Variants in LOXL1 observed in about 807,000 individuals in gnomAD.
LOXL1 encodes lysyl oxidase like 1.
A neutral mutation model predicts 62.2 loss-of-function variants in LOXL1; 31 were observed. That is an observed-to-expected ratio of 0.50 (90% CI 0.37 to 0.67). The LOEUF (loss-of-function observed/expected upper bound fraction) is 0.67. Ranked by LOEUF, LOXL1 falls within the 30% of genes least tolerant of loss-of-function variation. LOXL1 has a pLI of 0.00. For synonymous variants in LOXL1, 403 were observed against 384.4 expected, an observed-to-expected ratio of 1.05 and a Z score of -0.56; for missense variants, 775 against 843.4, an observed-to-expected ratio of 0.92 and a Z score of 1.00.
At chr15:73,927,942 C>T (rs1364664972) in intron 1 of LOXL1, 57 bp downstream of exon 1, 1 of 1,275,208 alleles carries the variant, frequency 7.8e-7, no homozygotes. Flanking sequence ...CTGGAAACTG[C>T]TCCGGGCCCC....
At chr15:73,938,370 C>T (rs1477116294) in intron 1 of LOXL1, among the ~76,000 whole-genome samples, 2 of 151,596 alleles carry the variant, frequency 1.3e-5, no homozygotes, top group African/African-American at 2.4e-5. Flanking sequence ...GGATGCACAT[C>T]GTGGAATCCT....
At chr15:73,950,607 GTGTGACCAGGGTCAGGGCTCAGTC>G (rs2068777722) in intron 6 of LOXL1, among the ~76,000 whole-genome samples, 1 of 152,060 alleles carries the variant, frequency 6.6e-6, no homozygotes. Flanking sequence ...AGGGCCCAGT[GTGTGACCAGGGTCAGGGCTCAGTC>G]TGTGACCAGA....
At chr15:73,946,625 C>G in intron 3 of LOXL1, 71 bp downstream of exon 3, 1 of 1,514,150 alleles carries the variant, frequency 6.6e-7, no homozygotes, top group African/African-American at 1.4e-5. Context: ...TGCCTGAGCT[C>G]CCCTCCCACC....
At position 73,927,062 on chromosome 15, in the gene LOXL1, G is replaced by A. The variant is rs1195668165; in HGVS notation, c.279G>A (p.Arg93=). 1 of 1,312,742 alleles carries A rather than the reference G, an allele frequency of 7.6e-7. No homozygotes were observed. The highest frequency in any genetic ancestry group is 9.7e-7 in the Non-Finnish European group (1 of 1,025,760). The allele number at this position is 1,312,742 out of a possible 1,614,324, so 81.3% of individuals were successfully genotyped here. ...AGCGGCGCAGCCACGGGAGCCCCCG[G>A]CGTCGGCAGGCGCCGTCCCTGCCCC... is the stretch of plus-strand genomic sequence containing the variant. ...AQQRRSHGSP[R]RRQAPSLPLP... is the part of the protein sequence containing the mutation. The change falls in exon 1 of 7, where the codon CGG becomes CGA. Residue 93 remains arginine, a synonymous_variant. Coordinates refer to ENST00000261921, the MANE Select transcript of LOXL1 (RefSeq NM_005576.4).
intron 1 of LOXL1, among the ~76,000 whole-genome samples, chr15:73,937,091 C>G (rs910816185): frequency 2.0e-4 from 30 of 152,212 alleles, no homozygotes; most frequent in African/African-American, 5.8e-4. Flanking sequence ...TGAGAAGGCC[C>G]CAGCTGCATC....
Position 73,926,500 on chromosome 15 carries a change from T to C in LOXL1, c.-284T>C, listed in dbSNP as rs1274590410. 1.7e-5 allele frequency: 6 copies of C among 350,050 alleles called. No homozygotes were observed. Among genetic ancestry groups the C allele is most frequent in the Non-Finnish European group, 2.6e-5 (5 of 195,040 alleles). 21.7% of individuals were successfully genotyped at this position (350,050 alleles called of 1,614,324 possible). On this transcript the variant is annotated 5_prime_UTR_variant, in exon 1 of 7. Transcript: ENST00000261921. ...AAGCGCCAGCCGAGCGGCCAGCCAGTGCGGGGCTGGCCATGTAAGGCCCAC... is the reference window on the plus strand; with the variant it reads ...AAGCGCCAGCCGAGCGGCCAGCCAGCGCGGGGCTGGCCATGTAAGGCCCAC...
intron 5 of LOXL1, among the ~76,000 whole-genome samples, chr15:73,949,026 G>A (rs953126658): frequency 3.9e-5 from 6 of 152,196 alleles, no homozygotes; most frequent in Admixed American, 2.0e-4. Flanking sequence ...TGTTGGGCAC[G>A]TGGGGCTCCA....
Position 73,951,936 on chromosome 15 carries a change from A to G in LOXL1, c.*99A>G. ...GGGGCCCAGCCCCCAACCCACAGGC[A>G]CGGAGGGGCATCCCTCCCTGCCGGC... On this transcript the variant is annotated 3_prime_UTR_variant, in exon 7 of 7. Transcript: ENST00000261921. 1 of 1,182,678 alleles carries G rather than the reference A, an allele frequency of 8.5e-7. No individual in the cohort carries two copies. The highest frequency in any genetic ancestry group is 1.1e-6 in the Non-Finnish European group (1 of 900,090). 73.3% of individuals were successfully genotyped at this position (1,182,678 alleles called of 1,614,324 possible).
chr15:73,947,267 G>T, intron 4 of LOXL1, 44 bp downstream of exon 4: 1 of 1,559,340 alleles, frequency 6.4e-7, no homozygotes, highest in Non-Finnish European at 8.7e-7. Flanking sequence ...AGGATAAGGA[G>T]TTGGGGAGGC....
intron 3 of LOXL1, 65 bp from the exon 4 acceptor site, chr15:73,947,002 G>A: frequency 6.8e-7 from 1 of 1,473,808 alleles, no homozygotes. Flanking sequence ...CTCAGGATGG[G>A]GACAGGATGA....
rs1219028332 is a variant in LOXL1 at position 73,930,682 on chromosome 15, C to T, written c.1102+2797C>T. Among the ~76,000 whole-genome samples the T allele has an allele frequency of 1.3e-5, 2 of 152,132 alleles. No individual in the cohort carries two copies. The highest frequency in any genetic ancestry group is 4.8e-5 in the African/African-American group (2 of 41,428). On this transcript the variant is annotated intron_variant, in intron 1 of 6. Coordinates refer to ENST00000261921, the MANE Select transcript of LOXL1 (RefSeq NM_005576.4). This position sits in a 1 kb window ranked among gnomAD's most constrained non-coding sequence, Gnocchi z 4.7. ...AACACCAAGCACATGTGAGCACCAC[C>T]CACCTCCCTCCATGGGTGGGTGGTT... is the stretch of plus-strand genomic sequence containing the variant.
Position 73,946,519 on chromosome 15 carries a change from G to T in LOXL1, c.1314G>T (p.Arg438=). ...GCACAGCAGACTTCCTCCCCAACCG[G>T]CCACGGCACACCTGGGAGTGGCACA... ...NQGTADFLPN[R]PRHTWEWHSC... is the part of the protein sequence containing the mutation. Residue 438 remains arginine (R), a synonymous_variant, in exon 3 of 7, where the codon CGG becomes CGT. Transcript: ENST00000261921. 1 of 1,609,944 alleles carries T rather than the reference G, an allele frequency of 6.2e-7. No individual in the cohort carries two copies. The highest frequency in any genetic ancestry group is 8.5e-7 in the Non-Finnish European group (1 of 1,178,334).
chr15:73,942,607 A>G (rs1028814476), intron 1 of LOXL1, among the ~76,000 whole-genome samples: 3 of 151,980 alleles, frequency 2.0e-5, no homozygotes, highest in Admixed American at 6.6e-5. Flanking sequence ...TTCATGTCCA[A>G]GCTTTTCCAG....
chr15:73,927,925 C>T, intron 1 of LOXL1, 40 bp downstream of exon 1: 1 of 1,291,726 alleles, frequency 7.7e-7, no homozygotes, highest in Non-Finnish European at 9.8e-7. Context: ...GCGCGTACCC[C>T]TGGCCACTGG....
intron 2 of LOXL1, among the ~76,000 whole-genome samples, chr15:73,943,372 A>G (rs1272904581): frequency 3.3e-5 from 5 of 152,200 alleles, no homozygotes; most frequent in Non-Finnish European, 7.4e-5. Context: ...CAGGGACCCA[A>G]GGAAGTCCTA....
chr15:73,928,449 A>G (rs1265327148), intron 1 of LOXL1, among the ~76,000 whole-genome samples: 3 of 152,184 alleles, frequency 2.0e-5, no homozygotes, highest in Non-Finnish European at 4.4e-5. Flanking sequence ...TGCTCCAGGC[A>G]GGAGTCCGGA....
In LOXL1 at chr15:73,946,409, C is replaced by G. The variant is rs1231944724; in HGVS notation, c.1212-8C>G. 6.2e-7 allele frequency: 1 copy of G among 1,603,026 alleles called. No individual in the cohort carries two copies. Among genetic ancestry groups the G allele is most frequent in the South Asian group, 1.1e-5 (1 of 90,496 alleles). On this transcript the variant is annotated splice_region_variant and splice_polypyrimidine_tract_variant and intron_variant, in intron 2 of 6. Transcript: ENST00000261921. ...AACCCCCCCTCATCTCCCCCGCCGT[C>G]CCTGCAGCACAGCCTATGCCCCTGA...
chr15:73,947,735 T>C (rs1373557850), intron 4 of LOXL1, 72 bp from the exon 5 acceptor site: 1 of 1,077,386 alleles, frequency 9.3e-7, no homozygotes, highest in African/African-American at 1.6e-5. Flanking sequence ...GGCCAGAAAC[T>C]CCTGAAGGTG....
chr15:73,949,839 G>A (rs1047908223), intron 6 of LOXL1, among the ~76,000 whole-genome samples: 1 of 152,226 alleles, frequency 6.6e-6, no homozygotes, highest in African/African-American at 2.4e-5. Flanking sequence ...AGAAGGCAGA[G>A]TCATTTGATG....
Sources: gnomAD v4.1 joint callset for allele counts (sites outside exome capture counted in the v4.1 genomes callset) on GRCh38, gnomAD v4.1.1 for gene constraint, Gnocchi (gnomAD v3.1) non-coding constraint, MANE v1.5 for transcripts, NCBI Gene and HGNC (gene_info 2026-07-23, HGNC 2026-07-21) for gene names.